TBXAS1: variants seen among roughly 807,000 people sequenced by gnomAD.
The protein encoded by TBXAS1 is thromboxane A synthase 1, also known as thromboxane-A synthase.
A neutral mutation model predicts 60.7 loss-of-function variants in TBXAS1; 48 were observed. The observed-to-expected ratio is 0.79, with a 90% CI of 0.63 to 1.01. The LOEUF (loss-of-function observed/expected upper bound fraction) is 1.01. TBXAS1 is among the 50% of genes least tolerant of loss of function. The pLI, the probability that TBXAS1 is intolerant of heterozygous loss-of-function variation, is 0.00. For missense variants in TBXAS1, 685 were observed against 686.3 expected (o/e 1.00, Z 0.02); for synonymous variants, 287 against 269.7 (o/e 1.06, Z -0.63).
At chr7:139,970,911 G>A (rs1027065175) in intron 9 of TBXAS1, among the ~76,000 whole-genome samples, 1 of 152,104 alleles carries the variant, frequency 6.6e-6, no homozygotes, top group Non-Finnish European at 1.5e-5. Flanking sequence ...TAAGCAGGGG[G>A]CTCCACCCAG....
intron 9 of TBXAS1, among the ~76,000 whole-genome samples, chr7:139,980,916 C>T (rs962899368): frequency 1.3e-5 from 2 of 150,630 alleles, no homozygotes; most frequent in African/African-American, 2.4e-5. Flanking sequence ...ACAGGCATTT[C>T]TTCCACAAGC....
intron 4 of TBXAS1, among the ~76,000 whole-genome samples, chr7:139,787,708 A>G (rs1230096699): frequency 6.6e-6 from 1 of 152,124 alleles, no homozygotes; most frequent in Non-Finnish European, 1.5e-5. Context: ...CCTATTTCAT[A>G]TTGCAACTTG....
chr7:139,821,563 T>G (rs1486298470), intron 4 of TBXAS1, among the ~76,000 whole-genome samples: 1 of 152,226 alleles, frequency 6.6e-6, no homozygotes, highest in African/African-American at 2.4e-5. Flanking sequence ...ATAGCAACCT[T>G]GAAGCAGAGC....
chr7:139,907,039 G>A (rs1199829630), intron 3 of TBXAS1, among the ~76,000 whole-genome samples: 1 of 151,912 alleles, frequency 6.6e-6, no homozygotes, highest in East Asian at 1.9e-4. Context: ...TTATTTTCTT[G>A]CCTTATTGCA....
chr7:139,900,624 T>C (rs1162334745), intron 3 of TBXAS1, among the ~76,000 whole-genome samples: 1 of 152,190 alleles, frequency 6.6e-6, no homozygotes, highest in African/African-American at 2.4e-5. Flanking sequence ...CTAACTAATG[T>C]AAGCTAGGAG....
chr7:139,877,112 G>T (rs895526526), intron 3 of TBXAS1, among the ~76,000 whole-genome samples: 2 of 152,274 alleles, frequency 1.3e-5, no homozygotes, highest in East Asian at 3.9e-4. Flanking sequence ...TGGGCAGGAG[G>T]GCACTGTGGC....
At chr7:139,808,115 T>C (rs370591269) in intron 4 of TBXAS1, among the ~76,000 whole-genome samples, 26 of 151,880 alleles carry the variant, frequency 1.7e-4, no homozygotes, top group East Asian at 7.8e-4. Context: ...GTGGATTGCT[T>C]GAGCCCAGGA....
At chr7:139,987,520 G>GGGT (rs1418305951) in intron 9 of TBXAS1, among the ~76,000 whole-genome samples, 1 of 152,136 alleles carries the variant, frequency 6.6e-6, no homozygotes, top group Non-Finnish European at 1.5e-5. Flanking sequence ...AGCCTGTCTG[G>GGGT]CCATTATTCT....
chr7:139,859,199 G>GTTTTT (rs1221686304), intron 1 of TBXAS1, among the ~76,000 whole-genome samples: 1 of 114,656 alleles, frequency 8.7e-6, no homozygotes, highest in Non-Finnish European at 1.9e-5. Context: ...TTTATCGTTA[G>GTTTTT]TTTTTTTTTT....
intron 12 of TBXAS1, 104 bp downstream of exon 12, chr7:140,017,937 C>G (rs1264657509): frequency 1.3e-6 from 2 of 1,522,092 alleles, no homozygotes; most frequent in Non-Finnish European, 1.8e-6. Context: ...TCAGGCTCTG[C>G]CTCCGTGAGC....
Position 139,936,307 on chromosome 7 carries a change from G to T in TBXAS1, c.450G>T (p.Glu150Asp), listed in dbSNP as rs775130622. Residue 150 changes from glutamate (E) to aspartate (D), a missense_variant and splice_region_variant, in exon 5 of 13, where the codon GAG (glutamate) becomes GAT (aspartate). Transcript: ENST00000448866. ...CTTTCAGTCCTGAAAAGCTGAACGA[G>T]GTAAGACATGAGAAATGCAAACTCT... ...MSAFSPEKLN[E>D]MVPLISQACD... 1.9e-6 allele frequency: 3 copies of T among 1,613,926 alleles called. No individual in the cohort carries two copies. The highest frequency in any genetic ancestry group is 2.5e-6 in the Non-Finnish European group (3 of 1,179,828).
At chr7:139,943,363 T>G (rs2117243482) in intron 5 of TBXAS1, among the ~76,000 whole-genome samples, 1 of 152,346 alleles carries the variant, frequency 6.6e-6, no homozygotes. Flanking sequence ...CACCGACACC[T>G]GATCTACTAA....
At chr7:139,813,313 C>T (rs1345115820) in intron 4 of TBXAS1, among the ~76,000 whole-genome samples, 2 of 152,036 alleles carry the variant, frequency 1.3e-5, no homozygotes, top group South Asian at 2.1e-4. Context: ...TGTGAGTAAC[C>T]TCCACTGACT....
intron 1 of TBXAS1, among the ~76,000 whole-genome samples, chr7:139,853,048 G>T (rs930378198): frequency 6.6e-6 from 1 of 151,580 alleles, no homozygotes; most frequent in Non-Finnish European, 1.5e-5. Flanking sequence ...CTTTACTGAA[G>T]CCCCAGCTGA....
In TBXAS1 at chr7:139,885,907, C is replaced by T. The variant is rs116053745; in HGVS notation, c.236+10270C>T. On this transcript the variant is annotated intron_variant, in intron 3 of 12. Transcript: ENST00000448866. ...CTTTCAAGCAAAAAAAGTCACACAC[C>T]ACCGCATACACGTTTGAAATTCTAC... Among the ~76,000 whole-genome samples the T allele has an allele frequency of 9.2e-3, 1,408 of 152,260 alleles. 20 individuals carry two copies. The highest frequency in any genetic ancestry group is 0.03 in the African/African-American group (1,240 of 41,554).
chr7:139,812,848 G>A lies in TBXAS1; in HGVS notation c.-79-16464G>A, dbSNP rs1303648612. Among the ~76,000 whole-genome samples the A allele has an allele frequency of 3.1e-4, 47 of 152,098 alleles. 1 individual carries two copies. Among genetic ancestry groups the A allele is most frequent in the Admixed American group, 3.0e-3 (46 of 15,264 alleles). ...GAGGCAGGTGTATCACTTGAGGTCAGGAGTTCAAGGCCAGCCTGGCCATCA... is the reference window on the plus strand; with the variant it reads ...GAGGCAGGTGTATCACTTGAGGTCAAGAGTTCAAGGCCAGCCTGGCCATCA... On this transcript the variant is annotated intron_variant, in intron 4 of 16. Coordinates refer to the TBXAS1 transcript ENST00000336425.
rs2116659176 is a variant in TBXAS1 at position 139,852,738 on chromosome 7, T to A, written c.90-19497T>A. ...CCAAGCTCAAAGGCAAAATTGGTAT[T>A]TCCCAGGCCTTTTGGACGGGTCATA... On this transcript the variant is annotated intron_variant, in intron 1 of 12. Coordinates refer to ENST00000448866, the MANE Select transcript of TBXAS1 (RefSeq NM_001061.7). The surrounding 1 kb of genome is among the most constrained non-coding windows in gnomAD (Gnocchi z 4.4). 1.3e-5 allele frequency among the ~76,000 whole-genome samples: 2 copies of A among 152,312 alleles called. No individual in the cohort carries two copies. The highest frequency in any genetic ancestry group is 2.9e-5 in the Non-Finnish European group (2 of 68,032).
intron 1 of TBXAS1, among the ~76,000 whole-genome samples, chr7:139,832,913 G>C (rs4726997): frequency 0.59 from 89,507 of 152,064 alleles, 29,406 homozygotes; most frequent in East Asian, 0.89. Flanking sequence ...CAAATGCTGA[G>C]AGAATTGCCA....
Position 139,961,901 on chromosome 7 carries a change from T to C in TBXAS1, c.820-18T>C, listed in dbSNP as rs1456439165. 6.2e-7 allele frequency: 1 copy of C among 1,614,204 alleles called. No individual in the cohort carries two copies. The highest frequency in any genetic ancestry group is 8.5e-7 in the Non-Finnish European group (1 of 1,180,010). On this transcript the variant is annotated intron_variant, in intron 8 of 12. Transcript: ENST00000448866. ...ACTGTAAGGTCAAAATGTGCATTTTTCTCCTTTTGTTCCTTAGAGGCGGAG... is the reference window on the plus strand; with the variant it reads ...ACTGTAAGGTCAAAATGTGCATTTTCCTCCTTTTGTTCCTTAGAGGCGGAG...
Sources: gnomAD v4.1 joint callset for allele counts (sites outside exome capture counted in the v4.1 genomes callset) on GRCh38, gnomAD v4.1.1 for gene constraint, Gnocchi (gnomAD v3.1) non-coding constraint, MANE v1.5 for transcripts, NCBI Gene and HGNC (gene_info 2026-07-23, HGNC 2026-07-21) for gene names.